The following RIMS2 variants were observed in gnomAD, a reference collection of about 807,000 sequenced individuals.
The protein encoded by RIMS2 is regulating synaptic membrane exocytosis 2, also known as regulating synaptic membrane exocytosis protein 2.
Under a neutral mutation model 174.4 loss-of-function variants are expected in RIMS2, and 59 were observed. That is an observed-to-expected ratio of 0.34 (90% confidence interval 0.27 to 0.42). The LOEUF is 0.42. Among genes scored for constraint, RIMS2 ranks in the 10% least tolerant of loss-of-function variants. The pLI, the probability that RIMS2 is intolerant of heterozygous loss-of-function variation, is 1.00. For missense variants in RIMS2, 1,620 were observed against 1,666.3 expected, an observed-to-expected ratio of 0.97 and a Z score of 0.48; for synonymous variants, 606 against 572.5, an observed-to-expected ratio of 1.06 and a Z score of -0.84.
At chr8:103,670,780 A>G (rs1355093168) in intron 1 of RIMS2, among the ~76,000 whole-genome samples, 1 of 152,204 alleles carries the variant, frequency 6.6e-6, no homozygotes, top group African/African-American at 2.4e-5. Flanking sequence ...TTTTGGTCAA[A>G]GCCATTCAAC....
At chr8:103,914,335 G>A (rs745739340) in intron 6 of RIMS2, among the ~76,000 whole-genome samples, 6 of 152,116 alleles carry the variant, frequency 3.9e-5, no homozygotes, top group Non-Finnish European at 7.4e-5. Flanking sequence ...TACTAGTTAC[G>A]TGAAACCGGA....
intron 19 of RIMS2, 112 bp downstream of exon 24, chr8:104,093,755 CA>C (rs1416357551): frequency 1.2e-6 from 1 of 801,210 alleles, no homozygotes; most frequent in African/African-American, 1.8e-5. Context: ...ATTTTAAAGC[CA>C]GGGGAGCTTA....
intron 17 of RIMS2, among the ~76,000 whole-genome samples, chr8:103,999,949 T>C (rs911966765): frequency 6.6e-6 from 1 of 151,772 alleles, no homozygotes; most frequent in Admixed American, 6.6e-5. Flanking sequence ...TATATTAAAA[T>C]ATAACATGGA....
chr8:104,206,798 T>C (rs2099082334), intron 19 of RIMS2, among the ~76,000 whole-genome samples: 1 of 152,204 alleles, frequency 6.6e-6, no homozygotes, highest in Non-Finnish European at 1.5e-5. Flanking sequence ...CTGACCAGAC[T>C]GTTTGGAATA....
At chr8:104,063,436 T>C (rs1234523366) in intron 19 of RIMS2, among the ~76,000 whole-genome samples, 1 of 152,174 alleles carries the variant, frequency 6.6e-6, no homozygotes, top group Non-Finnish European at 1.5e-5. Flanking sequence ...AACAGCTAGT[T>C]AGTGCAATTC....
chr8:104,085,806 C>T (rs2097527362), intron 19 of RIMS2, among the ~76,000 whole-genome samples: 1 of 151,988 alleles, frequency 6.6e-6, no homozygotes, highest in Non-Finnish European at 1.5e-5. Context: ...GTGCAGGGAA[C>T]ATAAGAGGTA....
At chr8:104,007,690 A>T (rs952171863) in intron 17 of RIMS2, among the ~76,000 whole-genome samples, 1 of 152,174 alleles carries the variant, frequency 6.6e-6, no homozygotes, top group Admixed American at 6.5e-5. Flanking sequence ...CTTTGTCCTT[A>T]ACAGTAGGTC....
chr8:104,062,128 A>G (rs979484777), intron 19 of RIMS2, among the ~76,000 whole-genome samples: 1 of 152,142 alleles, frequency 6.6e-6, no homozygotes, highest in Non-Finnish European at 1.5e-5. Flanking sequence ...AAAATTGGTC[A>G]GGCGCAGTGG....
At chr8:104,033,941 T>C (rs1487315538) in intron 19 of RIMS2, among the ~76,000 whole-genome samples, 1 of 152,164 alleles carries the variant, frequency 6.6e-6, no homozygotes, top group East Asian at 1.9e-4. Context: ...ATTTCTCTTA[T>C]GTTTAAGTGC....
In RIMS2 at chr8:103,975,483, A is replaced by T. The variant is rs34236346; in HGVS notation, c.2904A>T (p.Ser968=). The T allele has an allele frequency of 5.1e-3, 8,236 of 1,613,316 alleles. 301 individuals are homozygous for T. The African/African-American group carries it at 0.089, about 17-fold the overall frequency. The stretch of plus-strand genomic sequence containing the variant: ...TTATAGGAAGGACTAGATCATGGTC[A>T]CCCAGTGTCCCTCCTCCACAAAGGT... Residue 968 remains serine (S), a synonymous_variant, in exon 16 of 24, where the codon TCA becomes TCT. Coordinates refer to ENST00000504942, the Ensembl canonical transcript of RIMS2.
chr8:104,249,882 G>A (rs1297889793), intron 22 of RIMS2, among the ~76,000 whole-genome samples: 1 of 152,128 alleles, frequency 6.6e-6, no homozygotes, highest in Non-Finnish European at 1.5e-5. Flanking sequence ...TGTACACAAG[G>A]AGTTCTTTTT....
intron 1 of RIMS2, among the ~76,000 whole-genome samples, chr8:103,694,991 T>G (rs2097081653): frequency 6.6e-6 from 1 of 152,004 alleles, no homozygotes; most frequent in Admixed American, 6.6e-5. Flanking sequence ...ACTGTGGGGG[T>G]CTGCCTAGCA....
chr8:104,103,208 C>T (rs996033876), intron 19 of RIMS2, among the ~76,000 whole-genome samples: 9 of 151,870 alleles, frequency 5.9e-5, no homozygotes, highest in Admixed American at 2.0e-4. Context: ...AAGTAGATTA[C>T]TTGTTGCCAG....
rs540370729 is a variant in RIMS2 at position 103,985,218 on chromosome 8, G to C, written c.2928-4087G>C. Among the ~76,000 whole-genome samples the C allele has an allele frequency of 5.3e-5, 8 of 152,182 alleles. No homozygotes were observed. In the South Asian group the frequency reaches 1.7e-3, roughly 32 times the overall value. On this transcript the variant is annotated intron_variant, in intron 16 of 23. Coordinates refer to ENST00000504942, the Ensembl canonical transcript of RIMS2. The stretch of plus-strand genomic sequence containing the variant: ...GGGCCAGGCACGGTGGCTTACACCT[G>C]TAATCCCAGCACTTTGGGAGGCCAA...
At chr8:104,077,619 A>G (rs2097322480) in intron 19 of RIMS2, among the ~76,000 whole-genome samples, 3 of 146,854 alleles carry the variant, frequency 2.0e-5, no homozygotes, top group African/African-American at 7.4e-5. Flanking sequence ...ATTATAATGT[A>G]TTTCCACATA....
At chr8:104,051,815 C>A (rs2096792108) in intron 19 of RIMS2, among the ~76,000 whole-genome samples, 1 of 152,114 alleles carries the variant, frequency 6.6e-6, no homozygotes, top group African/African-American at 2.4e-5. Context: ...AAAAATAAGT[C>A]CTAGCACATA....
At chr8:104,173,237 G>C (rs966362853) in intron 19 of RIMS2, among the ~76,000 whole-genome samples, 1 of 152,092 alleles carries the variant, frequency 6.6e-6, no homozygotes, top group Non-Finnish European at 1.5e-5. Context: ...TGTTTAAAAT[G>C]AGTATTCATT....
intron 3 of RIMS2, among the ~76,000 whole-genome samples, chr8:103,865,826 T>A (rs964573576): frequency 3.9e-5 from 6 of 152,146 alleles, no homozygotes; most frequent in East Asian, 1.9e-4. Context: ...ATAATATTTT[T>A]AAAAAATTGA....
At chr8:103,793,569 T>A (rs886745612) in intron 3 of RIMS2, among the ~76,000 whole-genome samples, 12 of 152,034 alleles carry the variant, frequency 7.9e-5, no homozygotes, top group Non-Finnish European at 1.6e-4. Context: ...TAGTGTTGGA[T>A]GTTCTGGCCA....
Sources: gnomAD v4.1 joint callset for allele counts (sites outside exome capture counted in the v4.1 genomes callset) on GRCh38, gnomAD v4.1.1 for gene constraint, MANE v1.5 for transcripts, NCBI Gene and HGNC (gene_info 2026-07-23, HGNC 2026-07-21) for gene names.